The following PCDH15 variants were observed in gnomAD, a reference collection of about 807,000 sequenced individuals.
PCDH15 encodes the protein protocadherin-15.
PCDH15 carries 129 observed loss-of-function variants against 178.5 expected under a neutral mutation model. The ratio of observed to expected loss-of-function variants is 0.72; its 90% CI spans 0.63 to 0.84. The LOEUF is 0.84. PCDH15 is among the 40% of genes least tolerant of loss of function. The pLI, the probability that PCDH15 is intolerant of heterozygous loss-of-function variation, is 0.00. For synonymous variants in PCDH15, 800 were observed against 732.0 expected, an observed-to-expected ratio of 1.09 and a Z score of -1.50; for missense variants, 2,230 against 2,099.9, an observed-to-expected ratio of 1.06 and a Z score of -1.21.
intron 9 of PCDH15, among the ~76,000 whole-genome samples, chr10:54,214,931 T>C (rs2051845421): frequency 6.6e-6 from 1 of 152,194 alleles, no homozygotes; most frequent in Admixed American, 6.5e-5. Flanking sequence ...TCAATATACA[T>C]TTCTTCATGA....
Position 55,178,922 on chromosome 10 carries a change from T to A in PCDH15, c.-155-12271A>T, listed in dbSNP as rs575396941. 1.1e-4 allele frequency among the ~76,000 whole-genome samples: 16 copies of A among 152,300 alleles called. No homozygotes were observed. The South Asian group carries it at 3.3e-3, about 32-fold the overall frequency. On this transcript the variant is annotated intron_variant, in intron 1 of 5. Transcript: ENST00000458638. Reference sequence around the variant, plus strand: ...CTGCCCTCCCCCAAATTAGATTTAATTTCTTTCACAAGGGTGAAACTGCTC... The same window carrying A: ...CTGCCCTCCCCCAAATTAGATTTAAATTCTTTCACAAGGGTGAAACTGCTC...
At chr10:54,112,440 A>C (rs2095043530) in intron 15 of PCDH15, among the ~76,000 whole-genome samples, 1 of 152,138 alleles carries the variant, frequency 6.6e-6, no homozygotes, top group Admixed American at 6.6e-5. Flanking sequence ...ACAGAGATCC[A>C]TTGCTTTTAT....
At chr10:54,012,956 A>G (rs892157808) in intron 20 of PCDH15, among the ~76,000 whole-genome samples, 1 of 152,126 alleles carries the variant, frequency 6.6e-6, no homozygotes, top group African/African-American at 2.4e-5. Flanking sequence ...GGGCTAAATG[A>G]CACAATTTAA....
chr10:54,442,151 G>A (rs1227469620), intron 3 of PCDH15, among the ~76,000 whole-genome samples: 1 of 151,064 alleles, frequency 6.6e-6, no homozygotes, highest in Non-Finnish European at 1.5e-5. Context: ...CATGTATGTA[G>A]GTAAATTATT....
intron 1 of PCDH15, among the ~76,000 whole-genome samples, chr10:54,682,157 T>C (rs1239643311): frequency 6.7e-6 from 1 of 150,104 alleles, no homozygotes; most frequent in Non-Finnish European, 1.5e-5. Flanking sequence ...TGTTGGCATG[T>C]AGGATTAGAG....
Position 54,317,351 on chromosome 10 carries a change from G to A in PCDH15, c.796C>T (p.Leu266Phe). ...GTGTTTGGCACAAGGACACAAGGAAGAAACATTGGACCCAAGTCATCTCCA... is the reference window on the plus strand; with the variant it reads ...GTGTTTGGCACAAGGACACAAGGAAAAAACATTGGACCCAAGTCATCTCCA... ...LDGDDLGPMF[L>F]PCVLVPNTRD... is the part of the protein sequence containing the mutation. Residue 266 changes from leucine (L) to phenylalanine (F), a missense_variant, in exon 8 of 38, where the codon CTT becomes TTT. By Grantham distance (22) the Leu-to-Phe change is conservative (BLOSUM62 0). Coordinates refer to ENST00000644397, the MANE Select transcript of PCDH15 (RefSeq NM_001384140.1). The A allele has an allele frequency of 6.2e-7, 1 of 1,614,030 alleles. No homozygotes were observed. The highest frequency in any genetic ancestry group is 8.5e-7 in the Non-Finnish European group (1 of 1,179,944).
At chr10:54,802,434 C>T (rs1055934639), upstream of PCDH15, among the ~76,000 whole-genome samples, 3 of 152,244 alleles carry the variant, frequency 2.0e-5, no homozygotes, top group East Asian at 1.9e-4. Flanking sequence ...AGATGAACCC[C>T]TTGAGCCTCA....
At chr10:55,384,094 A>AT in intron 2 of PCDH15, among the ~76,000 whole-genome samples, 2 of 152,226 alleles carry the variant, frequency 1.3e-5, no homozygotes, top group Non-Finnish European at 2.9e-5. Context: ...ACTTGTTTAC[A>AT]TTCCCAGGGA....
rs953358041 is a variant in PCDH15, at chr10:54,591,878, T to C, written c.92-64001A>G. Among the ~76,000 whole-genome samples the C allele has an allele frequency of 2.6e-5, 4 of 152,274 alleles. 1 individual carries two copies. The highest frequency in any genetic ancestry group is 5.9e-5 in the Non-Finnish European group (4 of 68,026). On this transcript the variant is annotated intron_variant, in intron 2 of 37. Coordinates refer to ENST00000644397, the MANE Select transcript of PCDH15 (RefSeq NM_001384140.1). ...CCTGTCATTACAATCTGATAAAAAG[T>C]AATATGTCTCATTCAGTCCCAACTA...
intron 3 of PCDH15, among the ~76,000 whole-genome samples, chr10:54,454,933 T>C (rs1055807207): frequency 6.6e-6 from 1 of 152,116 alleles, no homozygotes; most frequent in Non-Finnish European, 1.5e-5. Flanking sequence ...TCCCCATGTG[T>C]TGTGGGAGGG....
intron 2 of PCDH15, among the ~76,000 whole-genome samples, chr10:54,926,788 C>T (rs1685301971): frequency 6.6e-6 from 1 of 151,884 alleles, no homozygotes; most frequent in Non-Finnish European, 1.5e-5. Context: ...TCTTTGAGGT[C>T]TCTGGTAATA....
In PCDH15 at chr10:54,890,651, A is replaced by G. The variant is rs1034818533; in HGVS notation, c.-29+6799T>C. On this transcript the variant is annotated intron_variant, in intron 3 of 5. Transcript: ENST00000458638. ...GGTAAGGACAGAATAACAAAACACA[A>G]GAGATCATTAGCTAGGTAGAGTATA... Among the ~76,000 whole-genome samples the G allele has an allele frequency of 7.9e-5, 12 of 152,160 alleles. No individual in the cohort carries two copies. In the East Asian group the frequency reaches 2.3e-3, roughly 29 times the overall value.
At chr10:55,421,206 C>T (rs1838612709) in intron 2 of PCDH15, among the ~76,000 whole-genome samples, 1 of 151,178 alleles carries the variant, frequency 6.6e-6, no homozygotes, top group Non-Finnish European at 1.5e-5. Context: ...CTCACAGAAC[C>T]TTTTAAGATA....
chr10:55,606,572 G>C lies in PCDH15; in HGVS notation c.-156+21053C>G, dbSNP rs1843222478. 9.0e-5 allele frequency among the ~76,000 whole-genome samples: 13 copies of C among 145,160 alleles called. No homozygotes were observed. In the South Asian group the frequency reaches 3.0e-3, roughly 33 times the overall value. On this transcript the variant is annotated intron_variant, in intron 2 of 5. Coordinates refer to the PCDH15 transcript ENST00000613346. The stretch of plus-strand genomic sequence containing the variant: ...AGATTTAGATCAATGGAACAGAACA[G>C]AGCCCTCAGAAATAATGCTGCATAT...
In PCDH15 at chr10:55,272,941, C is replaced by T. The variant is rs1592039842; in HGVS notation, c.-156+46658G>A. 2.0e-5 allele frequency among the ~76,000 whole-genome samples: 3 copies of T among 152,130 alleles called. 1 individual carries two copies. Among genetic ancestry groups the T allele is most frequent in the Admixed American group, 2.0e-4 (3 of 15,266 alleles). On this transcript the variant is annotated intron_variant, in intron 1 of 5. Transcript: ENST00000458638. ...TATCTTTACTGTGTACTTAACAACACTCTATTAAAGCGATGTGCTGTGTGT... is the reference window on the plus strand; with the variant it reads ...TATCTTTACTGTGTACTTAACAACATTCTATTAAAGCGATGTGCTGTGTGT...
At chr10:54,451,100 AT>A (rs2076451850) in intron 3 of PCDH15, among the ~76,000 whole-genome samples, 1 of 151,876 alleles carries the variant, frequency 6.6e-6, no homozygotes, top group Non-Finnish European at 1.5e-5. Flanking sequence ...ACAATATAAA[AT>A]TTGTTTCTCT....
At chr10:55,562,229 T>C (rs969907780) in intron 2 of PCDH15, among the ~76,000 whole-genome samples, 1 of 152,002 alleles carries the variant, frequency 6.6e-6, no homozygotes, top group Admixed American at 6.6e-5. Context: ...GAAATTTATA[T>C]TGGAATACCA....
At chr10:53,810,693 G>T in intron 36 of PCDH15, 29 bp from the exon 37 acceptor site, 1 of 1,569,272 alleles carries the variant, frequency 6.4e-7, no homozygotes, top group Non-Finnish European at 8.8e-7. Flanking sequence ...TCTTTAAACA[G>T]TTTGTCATGT....
intron 11 of PCDH15, among the ~76,000 whole-genome samples, chr10:54,192,525 A>G (rs982317529): frequency 6.6e-6 from 1 of 152,206 alleles, no homozygotes; most frequent in Non-Finnish European, 1.5e-5. Context: ...TCTAGGTTGC[A>G]TAGCACAATA....
Sources: allele counts gnomAD v4.1 joint callset (sites outside exome capture counted in the v4.1 genomes callset), GRCh38; gene constraint gnomAD v4.1.1; transcripts MANE v1.5; gene names NCBI Gene and HGNC (gene_info 2026-07-23, HGNC 2026-07-21).